The following ROBO2 variants were observed in gnomAD, a reference collection of about 807,000 sequenced individuals.
The protein encoded by ROBO2 is roundabout guidance receptor 2.
ROBO2 carries 53 observed loss-of-function variants against 160.8 expected under a neutral mutation model. The ratio of observed to expected loss-of-function variants is 0.33; its 90% CI spans 0.26 to 0.41. The LOEUF (loss-of-function observed/expected upper bound fraction) is 0.41, where lower values mean the gene tolerates loss of function less well. Among genes scored for constraint, ROBO2 ranks in the 10% least tolerant of loss-of-function variants. ROBO2 has a pLI of 1.00. For missense variants in ROBO2, 1,577 were observed against 1,722.4 expected, an observed-to-expected ratio of 0.92 and a Z score of 1.49; for synonymous variants, 664 against 611.7, an observed-to-expected ratio of 1.09 and a Z score of -1.26.
rs145657545 is a variant in ROBO2, at chr3:76,043,302, C to T, written c.109+105700C>T. Among the ~76,000 whole-genome samples the T allele has an allele frequency of 4.8e-3, 736 of 151,862 alleles. 11 individuals are homozygous for T. Among genetic ancestry groups the T allele is most frequent in the African/African-American group, 0.017 (698 of 41,216 alleles). On this transcript the variant is annotated intron_variant, in intron 2 of 26. Transcript: ENST00000487694. ...TGCCCTGGAATAGTCTCTCCCTTTT[C>T]GTTTGTAAGGGGTCTTCTTGAGCCT...
intron 2 of ROBO2, among the ~76,000 whole-genome samples, chr3:76,181,762 C>A (rs1340672659): frequency 6.6e-6 from 1 of 151,834 alleles, no homozygotes; most frequent in Non-Finnish European, 1.5e-5. Context: ...TATCCTACAC[C>A]AATCATGAGA....
chr3:76,763,216 C>G (rs1479349247), intron 2 of ROBO2, among the ~76,000 whole-genome samples: 1 of 151,618 alleles, frequency 6.6e-6, no homozygotes, highest in Non-Finnish European at 1.5e-5. Context: ...AGAGTTATTA[C>G]AAAGTAGACA....
chr3:76,858,415 C>T (rs9757564), intron 2 of ROBO2, among the ~76,000 whole-genome samples: 18,558 of 152,070 alleles, frequency 0.12, 1,297 homozygotes, highest in East Asian at 0.24. Flanking sequence ...AGGCACCCGC[C>T]ACCACACGTG....
chr3:77,146,697 G>T (rs948919649), intron 2 of ROBO2, among the ~76,000 whole-genome samples: 4 of 152,110 alleles, frequency 2.6e-5, no homozygotes, highest in Non-Finnish European at 5.9e-5. Flanking sequence ...GCCAGGCATG[G>T]TGGCTCACGC....
At chr3:76,367,098 A>G (rs1303064970) in intron 2 of ROBO2, among the ~76,000 whole-genome samples, 1 of 152,046 alleles carries the variant, frequency 6.6e-6, no homozygotes, top group African/African-American at 2.4e-5. Flanking sequence ...TTTTAATGTC[A>G]AAATAACTGC....
intron 2 of ROBO2, among the ~76,000 whole-genome samples, chr3:77,029,410 A>C (rs1414848132): frequency 1.3e-5 from 2 of 152,194 alleles, no homozygotes; most frequent in Non-Finnish European, 2.9e-5. Flanking sequence ...AATCTGGCTA[A>C]TTCTTCTATT....
intron 2 of ROBO2, among the ~76,000 whole-genome samples, chr3:76,200,965 T>C (rs2107250048): frequency 6.6e-6 from 1 of 152,310 alleles, no homozygotes; most frequent in South Asian, 2.1e-4. Flanking sequence ...CTCAGGTTTG[T>C]GGAGCATGAA....
rs116240006 is a variant in ROBO2, at chr3:76,521,351, A to G, written c.110-576663A>G. On this transcript the variant is annotated intron_variant, in intron 2 of 26. Transcript: ENST00000487694. ...GGCATGAGCCACCGCGCCTGGCCCA[A>G]CAACAATTGCTCTCTGCATGGTGTG... Among the ~76,000 whole-genome samples, 1,456 of 152,062 alleles carry G rather than the reference A, an allele frequency of 9.6e-3. 21 individuals are homozygous for G. The highest frequency in any genetic ancestry group is 0.029 in the African/African-American group (1,193 of 41,502).
intron 2 of ROBO2, among the ~76,000 whole-genome samples, chr3:76,412,586 AGG>A (rs941802904): frequency 6.6e-6 from 1 of 152,196 alleles, no homozygotes; most frequent in Non-Finnish European, 1.5e-5. Flanking sequence ...GCCCAAACAA[AGG>A]GGCTACAAGG....
At chr3:76,670,614 A>C (rs1435655609) in intron 2 of ROBO2, among the ~76,000 whole-genome samples, 1 of 152,120 alleles carries the variant, frequency 6.6e-6, no homozygotes, top group Non-Finnish European at 1.5e-5. Flanking sequence ...TGTAAGGAGC[A>C]TGAAAGGGTG....
At chr3:77,170,506 C>T (rs2079532521) in intron 2 of ROBO2, among the ~76,000 whole-genome samples, 1 of 151,876 alleles carries the variant, frequency 6.6e-6, no homozygotes, top group Admixed American at 6.6e-5. Context: ...AGACTGTTAC[C>T]TTTTCCAATA....
intron 17 of ROBO2, among the ~76,000 whole-genome samples, chr3:77,593,234 C>G: frequency 6.7e-6 from 1 of 150,360 alleles, no homozygotes. Flanking sequence ...AAAACACAAA[C>G]TAGAAAGTCA....
At chr3:77,150,704 A>G (rs2077479100) in intron 2 of ROBO2, among the ~76,000 whole-genome samples, 1 of 151,950 alleles carries the variant, frequency 6.6e-6, no homozygotes. Context: ...ATTTGCCTAC[A>G]TGAATAAAAT....
chr3:77,243,957 G>A (rs1265492856), intron 2 of ROBO2, among the ~76,000 whole-genome samples: 2 of 152,148 alleles, frequency 1.3e-5, no homozygotes, highest in Non-Finnish European at 2.9e-5. Flanking sequence ...AAATTCTGTT[G>A]TGTTTTTCAT....
At chr3:76,425,709 A>C (rs1237849717) in intron 2 of ROBO2, among the ~76,000 whole-genome samples, 1 of 152,208 alleles carries the variant, frequency 6.6e-6, no homozygotes, top group Admixed American at 6.5e-5. Context: ...TCAAGAACAA[A>C]GATACCTTTT....
At chr3:76,706,160 T>C (rs754832853) in intron 2 of ROBO2, among the ~76,000 whole-genome samples, 3 of 152,076 alleles carry the variant, frequency 2.0e-5, no homozygotes, top group Non-Finnish European at 2.9e-5. Flanking sequence ...CTCAATAGAA[T>C]AGAAAATAGT....
At chr3:77,012,261 GAT>G (rs2061967622) in intron 2 of ROBO2, among the ~76,000 whole-genome samples, 1 of 152,124 alleles carries the variant, frequency 6.6e-6, no homozygotes, top group African/African-American at 2.4e-5. Context: ...TCCATTTTGA[GAT>G]ATATGACTTT....
intron 2 of ROBO2, among the ~76,000 whole-genome samples, chr3:77,198,262 T>C (rs547978491): frequency 6.6e-6 from 1 of 152,140 alleles, no homozygotes; most frequent in Non-Finnish European, 1.5e-5. Flanking sequence ...TGATAGAGAA[T>C]AGCAGGAAGG....
At chr3:76,667,045 A>T (rs1197737534) in intron 2 of ROBO2, among the ~76,000 whole-genome samples, 3 of 152,108 alleles carry the variant, frequency 2.0e-5, no homozygotes, top group Admixed American at 1.3e-4. Context: ...TGGACAGGGG[A>T]CCATTCACAA....
Sources: allele counts gnomAD v4.1 joint callset (sites outside exome capture counted in the v4.1 genomes callset), GRCh38; gene constraint gnomAD v4.1.1; transcripts MANE v1.5; gene names NCBI Gene and HGNC (gene_info 2026-07-23, HGNC 2026-07-21).